The following TMTC2 variants were observed in gnomAD, a reference collection of about 807,000 sequenced individuals.
The protein encoded by TMTC2 is protein O-mannosyl-transferase TMTC2.
Under a neutral mutation model 82.4 loss-of-function variants are expected in TMTC2, and 43 were observed. That is an observed-to-expected ratio of 0.52 (90% CI 0.41 to 0.67). The LOEUF is 0.67. Ranked by LOEUF, TMTC2 falls within the 30% of genes least tolerant of loss-of-function variation. The probability of loss-of-function intolerance (pLI) is 0.00; values close to 1 mark genes in which losing one functional copy is unlikely to be tolerated. For synonymous variants in TMTC2, 408 were observed against 381.9 expected (o/e 1.07, Z -0.80); for missense variants, 919 against 1,012.4 (o/e 0.91, Z 1.25).
chr12:83,084,871 T>C (rs542438453), intron 11 of TMTC2, among the ~76,000 whole-genome samples: 1 of 152,340 alleles, frequency 6.6e-6, no homozygotes, highest in East Asian at 1.9e-4. Context: ...CCCTGCACTT[T>C]TAGAAATCTG....
At chr12:82,986,233 TAGATA>T in intron 8 of TMTC2, 187 bp downstream of exon 8, 1 of 677,418 alleles carries the variant, frequency 1.5e-6, no homozygotes, top group Non-Finnish European at 2.4e-6. Flanking sequence ...AGGTTTGGTC[TAGATA>T]AGATGTGAGA....
chr12:82,891,202 T>C (rs569000570), intron 2 of TMTC2, among the ~76,000 whole-genome samples: 1 of 152,324 alleles, frequency 6.6e-6, no homozygotes, highest in Admixed American at 6.5e-5. Flanking sequence ...ACCATTTCCA[T>C]GCTTTCTTTT....
chr12:82,945,973 CT>C (rs2137270154), intron 4 of TMTC2, among the ~76,000 whole-genome samples: 1 of 152,248 alleles, frequency 6.6e-6, no homozygotes, highest in South Asian at 2.1e-4. Context: ...ATTATTTCTA[CT>C]AAATAATACA....
At chr12:83,044,139 A>G (rs1882001210) in intron 9 of TMTC2, among the ~76,000 whole-genome samples, 1 of 152,200 alleles carries the variant, frequency 6.6e-6, no homozygotes. Flanking sequence ...GGAAATATGA[A>G]TAGGAAAATT....
At chr12:82,823,820 C>T (rs1286105103) in intron 1 of TMTC2, among the ~76,000 whole-genome samples, 1 of 151,756 alleles carries the variant, frequency 6.6e-6, no homozygotes, top group African/African-American at 2.4e-5. Flanking sequence ...TGTTCACCCC[C>T]TCCACCACAA....
chr12:82,842,172 ATTAAC>A (rs1022843548), intron 1 of TMTC2, among the ~76,000 whole-genome samples: 17 of 152,224 alleles, frequency 1.1e-4, no homozygotes, highest in Admixed American at 2.6e-4. Context: ...CACTTCTTTA[ATTAAC>A]TTAACCCCTC....
chr12:83,039,451 A>G (rs1565864810), intron 9 of TMTC2, among the ~76,000 whole-genome samples: 1 of 151,826 alleles, frequency 6.6e-6, no homozygotes, highest in Non-Finnish European at 1.5e-5. Flanking sequence ...AATATATTAT[A>G]TATTTGACAA....
chr12:82,922,434 T>C (rs1875452909), intron 3 of TMTC2, among the ~76,000 whole-genome samples: 1 of 152,188 alleles, frequency 6.6e-6, no homozygotes. Flanking sequence ...TAACTGCATC[T>C]CTATTTTAAA....
intron 1 of TMTC2, among the ~76,000 whole-genome samples, chr12:82,769,693 C>T (rs2136993282): frequency 6.6e-6 from 1 of 152,262 alleles, no homozygotes. Flanking sequence ...TCACTGTAGC[C>T]TCCACCTCCC....
intron 10 of TMTC2, among the ~76,000 whole-genome samples, chr12:83,056,706 C>T (rs531684545): frequency 1.1e-4 from 16 of 151,894 alleles, no homozygotes; most frequent in African/African-American, 3.4e-4. Flanking sequence ...CAAAACCACG[C>T]GAAAGTCACT....
chr12:82,996,303 T>TTTTA (rs1879614677), intron 8 of TMTC2, among the ~76,000 whole-genome samples: 1 of 152,166 alleles, frequency 6.6e-6, no homozygotes, highest in African/African-American at 2.4e-5. Flanking sequence ...GGGGTGAGGG[T>TTTTA]GAAGGGCATG....
chr12:82,828,358 C>A (rs185402533), intron 1 of TMTC2, among the ~76,000 whole-genome samples: 3 of 152,028 alleles, frequency 2.0e-5, no homozygotes, highest in Non-Finnish European at 4.4e-5. Flanking sequence ...GAACCACATG[C>A]ATGTACCACC....
chr12:82,687,249 A>C lies in TMTC2; in HGVS notation c.-338A>C. On this transcript the variant is annotated 5_prime_UTR_variant, in exon 1 of 12. An upstream start codon of the reference 5' UTR is lost. Coordinates refer to ENST00000321196, the MANE Select transcript of TMTC2 (RefSeq NM_152588.3). ...CTCACCTAGGACGCCCCAAACTGCC[A>C]TGGGTTAGGGTGGGGATCGCGACCC... is the stretch of plus-strand genomic sequence containing the variant. 2.7e-6 allele frequency: 1 copy of C among 372,214 alleles called. No homozygotes were observed. The highest frequency in any genetic ancestry group is 5.1e-6 in the Non-Finnish European group (1 of 197,930). 23.1% of individuals were successfully genotyped at this position (372,214 alleles called of 1,614,324 possible).
At chr12:82,816,914 C>G (rs1868768356) in intron 1 of TMTC2, among the ~76,000 whole-genome samples, 1 of 150,990 alleles carries the variant, frequency 6.6e-6, no homozygotes, top group Admixed American at 6.6e-5. Context: ...GAATATAGCA[C>G]AGTATATGAA....
At chr12:82,920,800 A>G (rs1342824834) in intron 3 of TMTC2, among the ~76,000 whole-genome samples, 2 of 152,158 alleles carry the variant, frequency 1.3e-5, no homozygotes, top group Non-Finnish European at 2.9e-5. Flanking sequence ...TACTTATTAA[A>G]CAATGCTTAT....
intron 9 of TMTC2, among the ~76,000 whole-genome samples, chr12:83,046,102 C>G (rs1012846416): frequency 6.6e-6 from 1 of 152,096 alleles, no homozygotes; most frequent in Non-Finnish European, 1.5e-5. Context: ...AAACATGCCT[C>G]GGTATCTCCT....
chr12:82,743,163 C>G (rs1875506169), intron 1 of TMTC2, among the ~76,000 whole-genome samples: 1 of 152,140 alleles, frequency 6.6e-6, no homozygotes, highest in African/African-American at 2.4e-5. Flanking sequence ...GCAGATGTAG[C>G]TGGGCGCAGT....
At chr12:82,834,035 T>A (rs1869893771) in intron 1 of TMTC2, among the ~76,000 whole-genome samples, 1 of 152,198 alleles carries the variant, frequency 6.6e-6, no homozygotes, top group Non-Finnish European at 1.5e-5. Context: ...TGCTGTTGAT[T>A]TTAAGGGATG....
chr12:82,933,156 A>G (rs937460915), intron 4 of TMTC2, among the ~76,000 whole-genome samples: 1 of 152,176 alleles, frequency 6.6e-6, no homozygotes, highest in African/African-American at 2.4e-5. Flanking sequence ...CTTATCTGTC[A>G]CCCTAAACGG....
Sources: allele counts gnomAD v4.1 joint callset (sites outside exome capture counted in the v4.1 genomes callset), GRCh38; gene constraint gnomAD v4.1.1; transcripts MANE v1.5; gene names NCBI Gene and HGNC (gene_info 2026-07-23, HGNC 2026-07-21).